Variants in TBC1D32 observed in about 807,000 individuals in gnomAD.
TBC1D32 encodes the protein protein broad-minded.
TBC1D32 carries 151 observed loss-of-function variants against 170.3 expected under a neutral mutation model. That is an observed-to-expected ratio of 0.89 (90% CI 0.78 to 1.01). The LOEUF (loss-of-function observed/expected upper bound fraction) is 1.01. Among genes scored for constraint, TBC1D32 ranks in the 50% least tolerant of loss-of-function variants. The pLI is 0.00. For synonymous variants in TBC1D32, 498 were observed against 488.0 expected, an observed-to-expected ratio of 1.02 and a Z score of -0.27; for missense variants, 1,464 against 1,457.1, an observed-to-expected ratio of 1.00 and a Z score of -0.08.
intron 30 of TBC1D32, among the ~76,000 whole-genome samples, chr6:121,102,298 A>T (rs566968301): frequency 7.1e-4 from 108 of 152,302 alleles, no homozygotes; most frequent in African/African-American, 2.6e-3. Flanking sequence ...CTAAGCCAAA[A>T]GAACAAAGCT....
intron 30 of TBC1D32, among the ~76,000 whole-genome samples, chr6:121,097,813 T>G (rs1401195307): frequency 6.6e-6 from 1 of 152,100 alleles, no homozygotes; most frequent in African/African-American, 2.4e-5. Context: ...TCAATGATAA[T>G]AGACTGGATT....
At chr6:121,146,857 G>A (rs986779849) in intron 24 of TBC1D32, among the ~76,000 whole-genome samples, 1 of 152,014 alleles carries the variant, frequency 6.6e-6, no homozygotes, top group Non-Finnish European at 1.5e-5. Context: ...ATATGTACAG[G>A]GTTGCTATAT....
Position 121,138,687 on chromosome 6 carries a change from T to C in TBC1D32, c.2774-6935A>G, listed in dbSNP as rs1782414640. Among the ~76,000 whole-genome samples, 6 of 152,098 alleles carry C rather than the reference T, an allele frequency of 3.9e-5. No individual in the cohort carries two copies. The South Asian group carries it at 1.2e-3, about 31-fold the overall frequency. Reference sequence around the variant, plus strand: ...AAAAAAGCATGAGAAAATGCCTGACTTGACATAAAGGCCTAGATAAATATT... The same window carrying C: ...AAAAAAGCATGAGAAAATGCCTGACCTGACATAAAGGCCTAGATAAATATT... On this transcript the variant is annotated intron_variant, in intron 24 of 31. Transcript: ENST00000398212.
rs745696637 is a variant in TBC1D32, at chr6:121,310,850, G to A, written c.496-3C>T. On this transcript the variant is annotated splice_region_variant and splice_polypyrimidine_tract_variant and intron_variant, in intron 3 of 31. Transcript: ENST00000398212. Reference sequence around the variant, plus strand: ...TTTCCTTGACAAAATTTGTAACTCTGTAACACAATTGTCAGGACATTCATT... The same window carrying A: ...TTTCCTTGACAAAATTTGTAACTCTATAACACAATTGTCAGGACATTCATT... 1 of 1,544,786 alleles carries A rather than the reference G, an allele frequency of 6.5e-7. No individual in the cohort carries two copies. Among genetic ancestry groups the A allele is most frequent in the African/African-American group, 1.4e-5 (1 of 73,562 alleles).
At chr6:121,139,312 G>C (rs149267191) in intron 24 of TBC1D32, among the ~76,000 whole-genome samples, 83 of 152,296 alleles carry the variant, frequency 5.4e-4, no homozygotes, top group African/African-American at 1.9e-3. Flanking sequence ...TTATCAAAAT[G>C]CAATTGCAAT....
intron 21 of TBC1D32, among the ~76,000 whole-genome samples, chr6:121,222,760 T>A (rs147991008): frequency 1.2e-4 from 19 of 152,340 alleles, no homozygotes; most frequent in African/African-American, 4.6e-4. Context: ...ACAAGTTACT[T>A]ATCTGTGAAT....
chr6:121,223,103 T>C (rs1794698463), intron 21 of TBC1D32, 133 bp downstream of exon 21: 3 of 588,104 alleles, frequency 5.1e-6, no homozygotes, highest in African/African-American at 3.9e-5. Flanking sequence ...AATTCATGCA[T>C]GATTAATCAA....
chr6:121,282,553 A>T (rs1372607461), intron 13 of TBC1D32, among the ~76,000 whole-genome samples: 3 of 151,792 alleles, frequency 2.0e-5, no homozygotes, highest in Non-Finnish European at 4.4e-5. Flanking sequence ...GACAAAAAGA[A>T]AATGGAAAAG....
At chr6:121,236,208 A>G (rs1796314657) in intron 20 of TBC1D32, among the ~76,000 whole-genome samples, 2 of 151,738 alleles carry the variant, frequency 1.3e-5, no homozygotes, top group African/African-American at 4.8e-5. Context: ...CTAAGGAAGT[A>G]CTGTCCAATA....
At chr6:121,194,542 C>T (rs1489533940) in intron 22 of TBC1D32, among the ~76,000 whole-genome samples, 3 of 152,188 alleles carry the variant, frequency 2.0e-5, no homozygotes, top group East Asian at 1.9e-4. Context: ...GTAAGCTTAA[C>T]GAAGTGGTGA....
chr6:121,131,549 C>A, intron 25 of TBC1D32, 78 bp downstream of exon 25: 3 of 1,458,578 alleles, frequency 2.1e-6, no homozygotes, highest in Non-Finnish European at 2.8e-6. Flanking sequence ...TATGCCAATA[C>A]TAATCTTTAA....
At chr6:121,151,950 T>C (rs1398742524) in intron 24 of TBC1D32, among the ~76,000 whole-genome samples, 1 of 152,206 alleles carries the variant, frequency 6.6e-6, no homozygotes, top group African/African-American at 2.4e-5. Context: ...CTTAACTCTT[T>C]ATCCAATTTG....
chr6:121,251,602 A>G (rs1452361286), intron 17 of TBC1D32, among the ~76,000 whole-genome samples: 3 of 152,032 alleles, frequency 2.0e-5, no homozygotes, highest in Admixed American at 6.6e-5. Flanking sequence ...CATAAAAACT[A>G]TAGAAGAAAA....
intron 24 of TBC1D32, among the ~76,000 whole-genome samples, chr6:121,157,612 G>A (rs1052227156): frequency 2.0e-5 from 3 of 152,050 alleles, no homozygotes; most frequent in African/African-American, 7.2e-5. Flanking sequence ...TGAGTTATGT[G>A]CTTTAGTGTG....
rs551251781 is a variant in TBC1D32 at position 121,325,055 on chromosome 6, C to T, written c.156-3261G>A. ...TGAAACCCCAGCTCTACTAAAAATA[C>T]AAAAAAATTAGCTGGGCATGGTGGC... On this transcript the variant is annotated intron_variant, in intron 1 of 31. Transcript: ENST00000398212. Among the ~76,000 whole-genome samples the T allele has an allele frequency of 2.0e-5, 3 of 151,902 alleles. No individual in the cohort carries two copies. The East Asian group carries it at 5.8e-4, about 29-fold the overall frequency.
At chr6:121,098,877 T>C (rs1375197877) in intron 30 of TBC1D32, among the ~76,000 whole-genome samples, 2 of 151,820 alleles carry the variant, frequency 1.3e-5, no homozygotes, top group Non-Finnish European at 2.9e-5. Context: ...GAAGGTATCA[T>C]CTCAAGGCGC....
chr6:121,105,609 C>T (rs2128190754), intron 30 of TBC1D32, among the ~76,000 whole-genome samples: 1 of 152,032 alleles, frequency 6.6e-6, no homozygotes, highest in African/African-American at 2.4e-5. Flanking sequence ...TTAAGCCTTC[C>T]TAGATCCCGA....
At chr6:121,158,272 G>T (rs1785165540) in intron 24 of TBC1D32, among the ~76,000 whole-genome samples, 1 of 152,084 alleles carries the variant, frequency 6.6e-6, no homozygotes, top group East Asian at 1.9e-4. Context: ...CCTTAGCTTG[G>T]TCTATTCTGC....
intron 24 of TBC1D32, among the ~76,000 whole-genome samples, chr6:121,135,973 G>A (rs1433000117): frequency 2.0e-5 from 3 of 152,010 alleles, no homozygotes; most frequent in Non-Finnish European, 4.4e-5. Context: ...CACTCCTTAA[G>A]GAAAGGCAAC....
Sources: allele counts gnomAD v4.1 joint callset (sites outside exome capture counted in the v4.1 genomes callset), GRCh38; gene constraint gnomAD v4.1.1; transcripts MANE v1.5; gene names NCBI Gene and HGNC (gene_info 2026-07-23, HGNC 2026-07-21).